SHANK2: variants seen among roughly 807,000 people sequenced by gnomAD.
SHANK2 encodes SH3 and multiple ankyrin repeat domains 2, also known as SH3 and multiple ankyrin repeat domains protein 2.
A neutral mutation model predicts 133.7 loss-of-function variants in SHANK2; 43 were observed. The observed-to-expected ratio is 0.32, with a 90% CI of 0.25 to 0.41. The LOEUF is 0.41. Among genes scored for constraint, SHANK2 ranks in the 10% least tolerant of loss-of-function variants. The pLI is 1.00. For synonymous variants in SHANK2, 1,017 were observed against 952.8 expected (o/e 1.07, Z -1.24); for missense variants, 1,994 against 2,235.8 (o/e 0.89, Z 2.18).
intron 2 of SHANK2, among the ~76,000 whole-genome samples, chr11:71,155,954 G>A (rs1472606090): frequency 6.6e-6 from 1 of 152,220 alleles, no homozygotes; most frequent in African/African-American, 2.4e-5. Context: ...AGGTCTTACA[G>A]GTGGGCCCTA....
chr11:70,536,449 G>A (rs782310160), intron 17 of SHANK2, among the ~76,000 whole-genome samples: 6 of 152,208 alleles, frequency 3.9e-5, no homozygotes, highest in Non-Finnish European at 7.4e-5. Flanking sequence ...TCCCCACCCA[G>A]GCTGGCGAGC....
At chr11:71,186,155 C>A (rs1199026081) in intron 2 of SHANK2, among the ~76,000 whole-genome samples, 2 of 152,188 alleles carry the variant, frequency 1.3e-5, no homozygotes, top group African/African-American at 4.8e-5. Context: ...CAATTTGATG[C>A]CCATTCACCT....
intron 14 of SHANK2, among the ~76,000 whole-genome samples, chr11:70,706,530 G>T (rs1425105293): frequency 1.3e-5 from 2 of 152,088 alleles, no homozygotes; most frequent in African/African-American, 4.8e-5. Context: ...GCATCTCTGG[G>T]CCTTCCCCTT....
At chr11:70,559,705 G>T (rs1016448825) in intron 17 of SHANK2, among the ~76,000 whole-genome samples, 1 of 152,056 alleles carries the variant, frequency 6.6e-6, no homozygotes, top group Non-Finnish European at 1.5e-5. Flanking sequence ...GTCCTCCAAG[G>T]AGGACGTGCA....
intron 14 of SHANK2, among the ~76,000 whole-genome samples, chr11:70,720,768 G>A (rs952813564): frequency 1.3e-5 from 2 of 152,202 alleles, no homozygotes; most frequent in Non-Finnish European, 2.9e-5. Context: ...CATTCATGTA[G>A]CACACCGGCA....
chr11:70,890,965 CA>C lies in SHANK2; in HGVS notation c.1174+5535del, dbSNP rs113710731. Among the ~76,000 whole-genome samples the C allele has an allele frequency of 7.5e-3, 907 of 121,664 alleles. 2 individuals are homozygous for C. Among genetic ancestry groups the C allele is most frequent in the African/African-American group, 0.022 (713 of 32,514 alleles). 79.8% of individuals were successfully genotyped at this position (121,664 alleles called of 152,430 possible). On this transcript the variant is annotated intron_variant, in intron 11 of 25. Transcript: ENST00000601538. ...GGTGACAGAGTGATAGACTCCGCCT[CA>C]AAAAAAAAAAAAAGAGTTGTCACGG...
intron 10 of SHANK2, among the ~76,000 whole-genome samples, 163 bp downstream of exon 10, chr11:71,056,318 T>C (rs992216001): frequency 2.0e-4 from 30 of 152,302 alleles, no homozygotes; most frequent in African/African-American, 7.2e-4. Flanking sequence ...GCAGCAGCTT[T>C]GCACTAAGAG....
intron 15 of SHANK2, among the ~76,000 whole-genome samples, chr11:70,696,211 A>G (rs1242857208): frequency 1.3e-5 from 2 of 152,142 alleles, no homozygotes. Flanking sequence ...CAGCCACAAT[A>G]GTTCTGCAAG....
chr11:70,547,649 T>G (rs560744489), intron 17 of SHANK2, among the ~76,000 whole-genome samples: 1 of 152,304 alleles, frequency 6.6e-6, no homozygotes, highest in South Asian at 2.1e-4. Context: ...CGTGTCTGAG[T>G]ATCAAACAGC....
chr11:70,549,235 G>A (rs2059734483), intron 17 of SHANK2, among the ~76,000 whole-genome samples: 2 of 152,168 alleles, frequency 1.3e-5, no homozygotes, highest in South Asian at 2.1e-4. Context: ...TGCAAGCACC[G>A]CAGCCCCCAG....
intron 2 of SHANK2, among the ~76,000 whole-genome samples, chr11:71,168,244 G>A (rs1418332474): frequency 1.5e-5 from 2 of 135,436 alleles, no homozygotes; most frequent in South Asian, 2.6e-4. Context: ...GGGCAGAGAC[G>A]CTCCTCACTT....
chr11:70,683,197 C>T (rs1359924732), intron 15 of SHANK2, among the ~76,000 whole-genome samples: 1 of 152,062 alleles, frequency 6.6e-6, no homozygotes, highest in Non-Finnish European at 1.5e-5. Context: ...TGGCTGGTCT[C>T]AAACTCCTGT....
chr11:71,191,146 G>A (rs558385140), intron 2 of SHANK2, among the ~76,000 whole-genome samples: 1 of 150,138 alleles, frequency 6.7e-6, no homozygotes, highest in Non-Finnish European at 1.5e-5. Flanking sequence ...ACTCCAGCCT[G>A]GGCAACAGAG....
chr11:71,081,545 C>CCT (rs1352187868), intron 8 of SHANK2, among the ~76,000 whole-genome samples: 1 of 152,108 alleles, frequency 6.6e-6, no homozygotes, highest in African/African-American at 2.4e-5. Flanking sequence ...GGATAGAGGA[C>CCT]CTGCCAAAGT....
chr11:70,813,491 T>C (rs1045536343), intron 12 of SHANK2, among the ~76,000 whole-genome samples: 15 of 152,156 alleles, frequency 9.9e-5, no homozygotes, highest in African/African-American at 3.4e-4. Context: ...GAGCCCCTGA[T>C]GTGTAGAATT....
At chr11:71,101,763 C>T (rs782654154) in intron 6 of SHANK2, among the ~76,000 whole-genome samples, 2 of 152,164 alleles carry the variant, frequency 1.3e-5, no homozygotes, top group Non-Finnish European at 2.9e-5. Flanking sequence ...CACTGGGACC[C>T]AGAATGTCCT....
intron 14 of SHANK2, among the ~76,000 whole-genome samples, chr11:70,723,258 C>T (rs547460127): frequency 8.6e-5 from 13 of 150,542 alleles, no homozygotes; most frequent in African/African-American, 2.0e-4. Flanking sequence ...TAGGATTATA[C>T]GATTATATTA....
intron 12 of SHANK2, among the ~76,000 whole-genome samples, chr11:70,818,717 G>A (rs1188690482): frequency 1.3e-5 from 2 of 152,240 alleles, no homozygotes; most frequent in African/African-American, 4.8e-5. Context: ...GGAAGCGTCT[G>A]TGGGCTAAAG....
At chr11:70,499,475 CTCCCTGACAAGGGACTTCTGTTG>C (rs2059019385) in intron 21 of SHANK2, among the ~76,000 whole-genome samples, 1 of 152,210 alleles carries the variant, frequency 6.6e-6, no homozygotes, top group African/African-American at 2.4e-5. Flanking sequence ...CCGAACTGTT[CTCCCTGACAAGGGACTTCTGTTG>C]TCCCACGCTG....
Sources: gnomAD v4.1 joint callset for allele counts (sites outside exome capture counted in the v4.1 genomes callset) on GRCh38, gnomAD v4.1.1 for gene constraint, MANE v1.5 for transcripts, NCBI Gene and HGNC (gene_info 2026-07-23, HGNC 2026-07-21) for gene names.